QKI: variants seen among roughly 807,000 people sequenced by gnomAD.
QKI encodes QKI, KH domain containing RNA binding, also known as KH domain-containing RNA-binding protein QKI.
A neutral mutation model predicts 39.0 loss-of-function variants in QKI; 10 were observed. The ratio of observed to expected loss-of-function variants is 0.26; its 90% confidence interval spans 0.16 to 0.43. QKI has a LOEUF of 0.43. QKI is among the 20% of genes least tolerant of loss of function. QKI has a pLI of 1.00. For synonymous variants in QKI, 204 were observed against 155.4 expected (o/e 1.31, Z -2.33); for missense variants, 218 against 428.0 (o/e 0.51, Z 4.33).
chr6:163,522,669 G>T (rs1780234681), intron 3 of QKI, among the ~76,000 whole-genome samples: 1 of 152,128 alleles, frequency 6.6e-6, no homozygotes, highest in African/African-American at 2.4e-5. Context: ...AAGCCCCATG[G>T]AATTATAAAT....
At chr6:163,453,063 G>A (rs965865400) in intron 1 of QKI, among the ~76,000 whole-genome samples, 2 of 150,386 alleles carry the variant, frequency 1.3e-5, no homozygotes, top group African/African-American at 4.9e-5. Flanking sequence ...CATTTTATCT[G>A]AATTTTCTGA....
intron 1 of QKI, among the ~76,000 whole-genome samples, chr6:163,424,264 G>A (rs556879544): frequency 4.1e-4 from 62 of 152,158 alleles, no homozygotes; most frequent in Non-Finnish European, 6.5e-4. Flanking sequence ...GTCTATTGTC[G>A]CTGATTCCAC....
intron 4 of QKI, among the ~76,000 whole-genome samples, chr6:163,560,260 G>A (rs951530685): frequency 6.6e-6 from 1 of 152,150 alleles, no homozygotes; most frequent in African/African-American, 2.4e-5. Context: ...TAACTTTGTC[G>A]ATAGGTTCTT....
intron 4 of QKI, among the ~76,000 whole-genome samples, chr6:163,541,498 C>CCT (rs561101498): frequency 2.8e-5 from 4 of 142,448 alleles, no homozygotes; most frequent in South Asian, 2.2e-4. Flanking sequence ...TATGTCTACC[C>CCT]TTTTTTTTTT....
chr6:163,543,133 A>G (rs1781648725), intron 4 of QKI, among the ~76,000 whole-genome samples: 1 of 152,110 alleles, frequency 6.6e-6, no homozygotes, highest in African/African-American at 2.4e-5. Context: ...CATCATGACC[A>G]TAGAGATGTG....
chr6:163,503,847 C>T (rs1778933592), intron 3 of QKI, among the ~76,000 whole-genome samples: 1 of 152,028 alleles, frequency 6.6e-6, no homozygotes, highest in African/African-American at 2.4e-5. Flanking sequence ...TCAAGCAAGT[C>T]TCCTGGCTCA....
intron 2 of QKI, among the ~76,000 whole-genome samples, chr6:163,457,857 CAT>C (rs1180207659): frequency 6.6e-6 from 1 of 151,916 alleles, no homozygotes; most frequent in Non-Finnish European, 1.5e-5. Context: ...TATGGAGAAA[CAT>C]AAAGTGGGGT....
Position 163,418,715 on chromosome 6 carries a change from A to G in QKI, c.142+3380A>G, listed in dbSNP as rs995767784. On this transcript the variant is annotated intron_variant, in intron 1 of 7. Coordinates refer to ENST00000361752, the MANE Select transcript of QKI (RefSeq NM_006775.3). ...CTCTACCTTTAGAGAGACGTTTTCA[A>G]CTGAACCCTTAGAGCAGTTAATATA... Among the ~76,000 whole-genome samples the G allele has an allele frequency of 1.1e-4, 17 of 152,294 alleles. No individual in the cohort carries two copies. The East Asian group carries it at 1.3e-3, about 12-fold the overall frequency.
chr6:163,548,758 A>G (rs1307612619), intron 4 of QKI, among the ~76,000 whole-genome samples: 3 of 152,160 alleles, frequency 2.0e-5, no homozygotes, highest in African/African-American at 7.2e-5. Flanking sequence ...TTAAGAAGTG[A>G]GCCAGGTTTA....
At chr6:163,482,797 C>G (rs552948310) in intron 3 of QKI, among the ~76,000 whole-genome samples, 1 of 136,284 alleles carries the variant, frequency 7.3e-6, no homozygotes, top group Admixed American at 7.3e-5. Flanking sequence ...CTCCAAACCC[C>G]GTCCTTCTGT....
At position 163,577,967 on chromosome 6, in the gene QKI, G is replaced by A. The variant is rs562312611; in HGVS notation, c.*7257G>A. 1 of 152,264 alleles carries A rather than the reference G, an allele frequency of 6.6e-6. No individual in the cohort carries two copies. Among genetic ancestry groups the A allele is most frequent in the Non-Finnish European group, 1.5e-5 (1 of 68,014 alleles). 9.4% of individuals were successfully genotyped at this position (152,264 alleles called of 1,614,324 possible). The stretch of plus-strand genomic sequence containing the variant: ...AGTTAAACTAATTGACCATCTAATA[G>A]TTGTACTATACATATGTCTAAAATA... On this transcript the variant is annotated 3_prime_UTR_variant, in exon 8 of 8. Transcript: ENST00000361752.
At chr6:163,559,145 C>G (rs1288764010) in intron 4 of QKI, among the ~76,000 whole-genome samples, 2 of 152,208 alleles carry the variant, frequency 1.3e-5, no homozygotes, top group Admixed American at 1.3e-4. Context: ...CCAAAAGGAG[C>G]AGTTCAGTGC....
At chr6:163,481,640 G>A (rs1793086052) in intron 3 of QKI, among the ~76,000 whole-genome samples, 1 of 152,156 alleles carries the variant, frequency 6.6e-6, no homozygotes, top group Non-Finnish European at 1.5e-5. Flanking sequence ...CTGGTTTTTA[G>A]CAAGTAAGTT....
At chr6:163,517,540 C>T (rs529582720) in intron 3 of QKI, among the ~76,000 whole-genome samples, 1 of 152,240 alleles carries the variant, frequency 6.6e-6, no homozygotes, top group East Asian at 1.9e-4. Context: ...GCCTCAGCCT[C>T]CAAAGTAACT....
rs758809967 is a variant in QKI, at chr6:163,570,667, TG to T, written c.1010-26del. 1.4e-5 allele frequency: 23 copies of T among 1,596,728 alleles called. No individual in the cohort carries two copies. The African/African-American group carries it at 1.5e-4, about 11-fold the overall frequency. ...ATCTTTTCTTTTCTTTTTTTTGTTT[TG>T]TTTTTTTTTGTTTCTAACCACCCAG... is the stretch of plus-strand genomic sequence containing the variant. On this transcript the variant is annotated intron_variant, in intron 7 of 7. Transcript: ENST00000361752.
At chr6:163,476,206 A>G (rs1385663764) in intron 2 of QKI, among the ~76,000 whole-genome samples, 1 of 152,128 alleles carries the variant, frequency 6.6e-6, no homozygotes, top group Non-Finnish European at 1.5e-5. Flanking sequence ...ATCAAAATAA[A>G]TTTTTATACT....
chr6:163,432,516 C>T (rs952214913), intron 1 of QKI, among the ~76,000 whole-genome samples: 3 of 151,826 alleles, frequency 2.0e-5, no homozygotes, highest in African/African-American at 7.3e-5. Context: ...GCCTCAGCCT[C>T]CAGAGAGGTA....
At chr6:163,465,484 C>T (rs1346532881) in intron 2 of QKI, among the ~76,000 whole-genome samples, 1 of 151,360 alleles carries the variant, frequency 6.6e-6, no homozygotes, top group African/African-American at 2.4e-5. Context: ...AAAAATTCAC[C>T]AGGCATGGTG....
At chr6:163,455,447 A>C (rs200692199) in intron 2 of QKI, 26 bp downstream of exon 2, 140 of 1,592,992 alleles carry the variant, frequency 8.8e-5, no homozygotes, top group Non-Finnish European at 1.1e-4. Flanking sequence ...TGTTTTATTC[A>C]ATTTTGTTCT....
Sources: gnomAD v4.1 joint callset for allele counts (sites outside exome capture counted in the v4.1 genomes callset) on GRCh38, gnomAD v4.1.1 for gene constraint, MANE v1.5 for transcripts, NCBI Gene and HGNC (gene_info 2026-07-23, HGNC 2026-07-21) for gene names.